The following TAOK3 variants were observed in gnomAD, a reference collection of about 807,000 sequenced individuals.
TAOK3 encodes TAO kinase 3.
A neutral mutation model predicts 120.4 loss-of-function variants in TAOK3; 40 were observed. The ratio of observed to expected loss-of-function variants is 0.33; its 90% CI spans 0.26 to 0.43. The LOEUF (loss-of-function observed/expected upper bound fraction) is 0.43, where lower values mean the gene tolerates loss of function less well. Among genes scored for constraint, TAOK3 ranks in the 20% least tolerant of loss-of-function variants. The pLI, the probability that TAOK3 is intolerant of heterozygous loss-of-function variation, is 1.00. For missense variants in TAOK3, 821 were observed against 1,112.1 expected, an observed-to-expected ratio of 0.74 and a Z score of 3.72; for synonymous variants, 355 against 387.5, an observed-to-expected ratio of 0.92 and a Z score of 0.99.
intron 11 of TAOK3, among the ~76,000 whole-genome samples, chr12:118,212,319 C>T (rs2038674143): frequency 6.6e-6 from 1 of 152,194 alleles, no homozygotes; most frequent in African/African-American, 2.4e-5. Context: ...TTTCCACATA[C>T]TACACTGATA....
intron 9 of TAOK3, among the ~76,000 whole-genome samples, chr12:118,216,494 T>G (rs1379552827): frequency 6.6e-6 from 1 of 152,236 alleles, no homozygotes; most frequent in Non-Finnish European, 1.5e-5. Context: ...TCTTTTTCTT[T>G]TACTTATTCC....
chr12:118,175,012 C>G (rs1738008758), intron 16 of TAOK3, among the ~76,000 whole-genome samples: 1 of 152,072 alleles, frequency 6.6e-6, no homozygotes, highest in Admixed American at 6.5e-5. Flanking sequence ...TAGGCTATCT[C>G]TGATCCAGCA....
intron 13 of TAOK3, among the ~76,000 whole-genome samples, chr12:118,196,217 A>AT (rs950262026): frequency 3.1e-4 from 47 of 152,216 alleles, no homozygotes; most frequent in African/African-American, 1.1e-3. Flanking sequence ...CCCACTTTGC[A>AT]TTTTGGGGGC....
chr12:118,243,479 C>G lies in TAOK3; in HGVS notation c.230G>C (p.Arg77Pro). The G allele has an allele frequency of 6.6e-7, 1 of 1,526,648 alleles. No individual in the cohort carries two copies. The highest frequency in any genetic ancestry group is 1.3e-5 in the South Asian group (1 of 77,828). The allele number at this position is 1,526,648 out of a possible 1,614,324, so 94.6% of individuals were successfully genotyped here. A position where few individuals can be genotyped will look rare whatever the true frequency, so the allele number is the denominator to read the frequency against. Residue 77 changes from arginine (R) to proline (P), a missense_variant, in exon 5 of 21, where the codon CGA becomes CCA. Around this residue, in one of 2 missense-constraint regions of TAOK3, gnomAD observed 467 missense variants for 540.0 expected, o/e 0.86. Transcript: ENST00000392533. ...AATAGTATTAGGATGCTTCAATTGT[C>G]GTAAAAATTTAACTTCCTTAAGAAT... ...QDILKEVKFL[R>P]QLKHPNTIEY... is the part of the protein sequence containing the mutation.
chr12:118,334,824 A>T (rs1178354658), intron 1 of TAOK3, among the ~76,000 whole-genome samples: 1 of 150,284 alleles, frequency 6.7e-6, no homozygotes, highest in African/African-American at 2.5e-5. Context: ...TGTGGTGAGC[A>T]GAGATTGTGC....
intron 11 of TAOK3, among the ~76,000 whole-genome samples, chr12:118,202,515 C>T (rs2038073792): frequency 6.6e-6 from 1 of 152,016 alleles, no homozygotes; most frequent in Non-Finnish European, 1.5e-5. Flanking sequence ...TTCTCTATAC[C>T]CTTGCCACTT....
At chr12:118,363,179 G>A (rs868191953) in intron 1 of TAOK3, among the ~76,000 whole-genome samples, 1 of 152,030 alleles carries the variant, frequency 6.6e-6, no homozygotes, top group African/African-American at 2.4e-5. Context: ...TGTTAAAAAC[G>A]AACATACAAG....
intron 17 of TAOK3, among the ~76,000 whole-genome samples, chr12:118,168,486 A>G (rs1337364459): frequency 6.6e-6 from 1 of 152,212 alleles, no homozygotes; most frequent in Non-Finnish European, 1.5e-5. Flanking sequence ...CAATTTTTAT[A>G]TGTTGATATC....
chr12:118,211,066 A>G (rs2038606548), intron 11 of TAOK3, among the ~76,000 whole-genome samples: 1 of 152,128 alleles, frequency 6.6e-6, no homozygotes, highest in African/African-American at 2.4e-5. Flanking sequence ...CCTTCTTGTA[A>G]GTTTCACAAG....
intron 12 of TAOK3, 61 bp from the exon 13 acceptor site, chr12:118,199,318 A>C: frequency 7.3e-7 from 1 of 1,363,424 alleles, no homozygotes; most frequent in East Asian, 2.3e-5. Context: ...CAATCCATTG[A>C]CAAAAGTGTC....
chr12:118,162,398 C>T (rs961526495), intron 17 of TAOK3, among the ~76,000 whole-genome samples: 8 of 152,096 alleles, frequency 5.3e-5, no homozygotes, highest in Non-Finnish European at 7.4e-5. Context: ...TACACCCTGA[C>T]GGCCCATAAA....
intron 13 of TAOK3, among the ~76,000 whole-genome samples, chr12:118,194,758 C>A (rs1334493490): frequency 6.6e-6 from 1 of 151,632 alleles, no homozygotes; most frequent in East Asian, 1.9e-4. Context: ...TTTTTTCCCC[C>A]TCCACCAGAC....
In TAOK3 at chr12:118,287,445, G is replaced by A. The variant is rs146684340; in HGVS notation, c.-193-20686C>T. ...TTTTTGTATTTTTAGTAGAGATAGG[G>A]TTTCACCATGTTGGCTAGGCTGGTC... On this transcript the variant is annotated intron_variant, in intron 1 of 20. Coordinates refer to ENST00000392533, the MANE Select transcript of TAOK3 (RefSeq NM_016281.4). Among the ~76,000 whole-genome samples, 11 of 152,126 alleles carry A rather than the reference G, an allele frequency of 7.2e-5. No homozygotes were observed. The East Asian group carries it at 9.7e-4, about 13-fold the overall frequency.
At chr12:118,270,768 G>A (rs1179923001) in intron 1 of TAOK3, among the ~76,000 whole-genome samples, 1 of 149,386 alleles carries the variant, frequency 6.7e-6, no homozygotes. Flanking sequence ...TCCGCCTCCC[G>A]GGTTCACGCC....
intron 5 of TAOK3, among the ~76,000 whole-genome samples, chr12:118,242,170 C>T (rs2040283811): frequency 6.6e-6 from 1 of 151,946 alleles, no homozygotes; most frequent in Non-Finnish European, 1.5e-5. Context: ...GAGATTTTAG[C>T]ACTTGGATTT....
intron 1 of TAOK3, among the ~76,000 whole-genome samples, chr12:118,326,769 A>G (rs879861639): frequency 1.3e-5 from 2 of 152,186 alleles, no homozygotes; most frequent in Non-Finnish European, 2.9e-5. Flanking sequence ...TAAAACATTC[A>G]GTGCTCTGGT....
At chr12:118,187,473 C>T (rs1256134262) in intron 14 of TAOK3, among the ~76,000 whole-genome samples, 1 of 151,998 alleles carries the variant, frequency 6.6e-6, no homozygotes, top group African/African-American at 2.4e-5. Flanking sequence ...TGGCATTAGG[C>T]TTTAAAATAA....
chr12:118,165,319 G>C (rs1388557870), intron 17 of TAOK3, among the ~76,000 whole-genome samples: 2 of 152,120 alleles, frequency 1.3e-5, no homozygotes, highest in Non-Finnish European at 2.9e-5. Context: ...CCAACACCAG[G>C]CATTTATTCA....
intron 17 of TAOK3, among the ~76,000 whole-genome samples, chr12:118,165,034 C>T (rs574260856): frequency 7.2e-5 from 11 of 152,118 alleles, no homozygotes; most frequent in South Asian, 4.2e-4. Context: ...ACCCCCTCAG[C>T]GACCTTATAA....
Sources: allele counts gnomAD v4.1 joint callset (sites outside exome capture counted in the v4.1 genomes callset), GRCh38; gene constraint gnomAD v4.1.1; regional missense constraint gnomAD v4.1.1; transcripts MANE v1.5; gene names NCBI Gene and HGNC (gene_info 2026-07-23, HGNC 2026-07-21).